NRXN3: variants seen among roughly 807,000 people sequenced by gnomAD.
NRXN3 encodes the protein neurexin III.
NRXN3 carries 32 observed loss-of-function variants against 137.6 expected under a neutral mutation model. The ratio of observed to expected loss-of-function variants is 0.23; its 90% CI spans 0.18 to 0.31. The LOEUF (loss-of-function observed/expected upper bound fraction) is 0.31. NRXN3 is among the 10% of genes least tolerant of loss of function. The pLI, the probability that NRXN3 is intolerant of heterozygous loss-of-function variation, is 1.00. For missense variants in NRXN3, 1,574 were observed against 2,062.5 expected, an observed-to-expected ratio of 0.76 and a Z score of 4.59; for synonymous variants, 798 against 784.5, an observed-to-expected ratio of 1.02 and a Z score of -0.29.
At chr14:79,582,445 G>T (rs1042672425) in intron 16 of NRXN3, among the ~76,000 whole-genome samples, 1 of 151,936 alleles carries the variant, frequency 6.6e-6, no homozygotes, top group South Asian at 2.1e-4. Flanking sequence ...TTTTTGAGAC[G>T]GAGTCTTGCT....
intron 16 of NRXN3, among the ~76,000 whole-genome samples, chr14:79,550,693 A>C (rs2097365139): frequency 6.6e-6 from 1 of 152,120 alleles, no homozygotes; most frequent in Non-Finnish European, 1.5e-5. Context: ...AAGACTCGGA[A>C]AGTGCAGGAG....
intron 10 of NRXN3, among the ~76,000 whole-genome samples, chr14:78,905,930 G>A (rs534509797): frequency 1.3e-5 from 2 of 152,014 alleles, no homozygotes; most frequent in African/African-American, 2.4e-5. Context: ...AAGAACATAC[G>A]ATTTGGTGGA....
At position 79,805,080 on chromosome 14, in the gene NRXN3, C is replaced by G. The variant is rs775206420; in HGVS notation, c.4015-32C>G. Reference sequence around the variant, plus strand: ...ATCTCTCTCTCTTCTCTCTCTTCCCCTACCCCATTATTTTCTCTTTGACAT... The same window carrying G: ...ATCTCTCTCTCTTCTCTCTCTTCCCGTACCCCATTATTTTCTCTTTGACAT... On this transcript the variant is annotated intron_variant, in intron 19 of 20. Coordinates refer to ENST00000335750, the MANE Select transcript of NRXN3 (RefSeq NM_001330195.2). The G allele has an allele frequency of 2.7e-6, 4 of 1,489,924 alleles. No homozygotes were observed. The Admixed American group carries it at 6.8e-5, about 25-fold the overall frequency. The allele number at this position is 1,489,924 out of a possible 1,614,324, so 92.3% of individuals were successfully genotyped here. A position where few individuals can be genotyped will look rare whatever the true frequency, so the allele number is the denominator to read the frequency against.
chr14:78,365,059 TA>T (rs1473011435), intron 4 of NRXN3, among the ~76,000 whole-genome samples: 5 of 152,040 alleles, frequency 3.3e-5, no homozygotes, highest in African/African-American at 7.2e-5. Flanking sequence ...AGCAAGAAAT[TA>T]AAAAAAATTA....
chr14:79,494,231 C>T (rs1189677073), intron 16 of NRXN3, among the ~76,000 whole-genome samples: 1 of 152,042 alleles, frequency 6.6e-6, no homozygotes, highest in African/African-American at 2.4e-5. Flanking sequence ...AGAGATTTGC[C>T]TCCTAACATA....
At chr14:79,454,214 G>T (rs908052086) in intron 15 of NRXN3, among the ~76,000 whole-genome samples, 2 of 152,068 alleles carry the variant, frequency 1.3e-5, no homozygotes, top group African/African-American at 4.8e-5. Context: ...CTTCCAAGAA[G>T]CTGGGACTAC....
At chr14:78,997,579 A>G (rs898581631) in intron 15 of NRXN3, among the ~76,000 whole-genome samples, 7 of 152,234 alleles carry the variant, frequency 4.6e-5, no homozygotes, top group Non-Finnish European at 1.0e-4. Context: ...GTCTTGTAAA[A>G]TAGAAATAAT....
intron 1 of NRXN3, among the ~76,000 whole-genome samples, chr14:78,190,139 C>T (rs927023279): frequency 1.1e-4 from 16 of 152,192 alleles, no homozygotes; most frequent in African/African-American, 2.4e-4. Flanking sequence ...ACCTTTCCTT[C>T]CCTCTTCCAC....
intron 1 of NRXN3, among the ~76,000 whole-genome samples, chr14:78,212,475 G>A (rs540641803): frequency 1.2e-4 from 18 of 152,276 alleles, no homozygotes; most frequent in African/African-American, 4.1e-4. Flanking sequence ...ACCCTTAGGG[G>A]CCCAGCTTAT....
intron 15 of NRXN3, among the ~76,000 whole-genome samples, chr14:79,056,090 G>A (rs2099661294): frequency 6.6e-6 from 1 of 152,156 alleles, no homozygotes; most frequent in Non-Finnish European, 1.5e-5. Context: ...AATACAGGTG[G>A]CAAATGATGG....
intron 11 of NRXN3, among the ~76,000 whole-genome samples, chr14:78,958,424 T>C (rs1037262351): frequency 2.0e-5 from 3 of 151,752 alleles, no homozygotes; most frequent in Admixed American, 6.6e-5. Context: ...GGCGCGATCT[T>C]GGCTCACTGC....
intron 6 of NRXN3, among the ~76,000 whole-genome samples, chr14:78,671,985 C>A (rs2097940865): frequency 6.6e-6 from 1 of 152,108 alleles, no homozygotes; most frequent in South Asian, 2.1e-4. Flanking sequence ...TTTTTCTTTC[C>A]TTTCAAAGCA....
chr14:79,353,520 C>T (rs2093308385), intron 15 of NRXN3, among the ~76,000 whole-genome samples: 1 of 151,958 alleles, frequency 6.6e-6, no homozygotes, highest in African/African-American at 2.4e-5. Context: ...AAAGAAGCTG[C>T]ATCATGTATC....
intron 15 of NRXN3, among the ~76,000 whole-genome samples, chr14:79,357,420 C>T (rs377276717): frequency 2.0e-5 from 3 of 152,102 alleles, no homozygotes; most frequent in South Asian, 2.1e-4. Context: ...CATTTGATTT[C>T]GGTTTGGTTT....
At chr14:78,187,778 G>GT (rs1555394801) in intron 1 of NRXN3, among the ~76,000 whole-genome samples, 10 of 103,242 alleles carry the variant, frequency 9.7e-5, no homozygotes, top group Admixed American at 2.2e-4. Context: ...TAGGATTTTA[G>GT]TTGTTTTTTT....
intron 15 of NRXN3, among the ~76,000 whole-genome samples, chr14:79,089,710 G>T (rs1213075704): frequency 6.6e-6 from 1 of 151,766 alleles, no homozygotes; most frequent in Non-Finnish European, 1.5e-5. Flanking sequence ...TGGAGACGAT[G>T]ACTGCAGAAC....
At chr14:78,412,624 A>C (rs955674780) in intron 4 of NRXN3, among the ~76,000 whole-genome samples, 1 of 152,212 alleles carries the variant, frequency 6.6e-6, no homozygotes, top group African/African-American at 2.4e-5. Context: ...AACTTACCCA[A>C]GGTCACCCAG....
Position 79,100,838 on chromosome 14 carries a change from G to A in NRXN3, c.3262+112697G>A, listed in dbSNP as rs1019304077. ...TTGCTGTATTAAGTCATGTGTTTCC[G>A]GTACTTCTGGGCTCATTAACCCACA... On this transcript the variant is annotated intron_variant, in intron 15 of 20. Coordinates refer to ENST00000335750, the MANE Select transcript of NRXN3 (RefSeq NM_001330195.2). 3.3e-5 allele frequency among the ~76,000 whole-genome samples: 5 copies of A among 152,036 alleles called. 1 individual carries two copies. The highest frequency in any genetic ancestry group is 4.8e-5 in the African/African-American group (2 of 41,400).
At chr14:78,464,153 A>C (rs1274991887) in intron 4 of NRXN3, among the ~76,000 whole-genome samples, 2 of 151,498 alleles carry the variant, frequency 1.3e-5, no homozygotes, top group Non-Finnish European at 2.9e-5. Context: ...CCTGGGTTCA[A>C]GCGATTCTCC....
Sources: gnomAD v4.1 joint callset for allele counts (sites outside exome capture counted in the v4.1 genomes callset) on GRCh38, gnomAD v4.1.1 for gene constraint, MANE v1.5 for transcripts, NCBI Gene and HGNC (gene_info 2026-07-23, HGNC 2026-07-21) for gene names.